C1GALT1: variants seen among roughly 807,000 people sequenced by gnomAD.
C1GALT1 encodes the protein core 1 synthase, glycoprotein-N-acetylgalactosamine 3-beta-galactosyltransferase 1.
In C1GALT1, 11 loss-of-function variants were observed where a neutral mutation model predicts 31.0. The ratio of observed to expected loss-of-function variants is 0.36; its 90% confidence interval spans 0.22 to 0.59. C1GALT1 has a LOEUF of 0.59. C1GALT1 is among the 20% of genes least tolerant of loss of function. The pLI is 0.79. For missense variants in C1GALT1, 424 were observed against 425.2 expected, an observed-to-expected ratio of 1.00 and a Z score of 0.03; for synonymous variants, 175 against 143.6, an observed-to-expected ratio of 1.22 and a Z score of -1.56.
intron 2 of C1GALT1, among the ~76,000 whole-genome samples, chr7:7,173,322 C>G (rs1490543745): frequency 6.6e-6 from 1 of 151,904 alleles, no homozygotes; most frequent in Non-Finnish European, 1.5e-5. Context: ...GCCATGATTG[C>G]AAGCTTCCTG....
At chr7:7,157,637 A>G (rs1206268214) in intron 2 of C1GALT1, among the ~76,000 whole-genome samples, 1 of 152,180 alleles carries the variant, frequency 6.6e-6, no homozygotes, top group African/African-American at 2.4e-5. Context: ...ATTTCAATAT[A>G]GTTTCTGTTC....
At chr7:7,170,208 A>G (rs1780438986) in intron 2 of C1GALT1, among the ~76,000 whole-genome samples, 1 of 152,002 alleles carries the variant, frequency 6.6e-6, no homozygotes, top group Non-Finnish European at 1.5e-5. Context: ...AAGGTTTGTC[A>G]ATTTGATTAC....
intron 2 of C1GALT1, chr7:7,234,783 A>T: frequency 3.1e-6 from 1 of 324,684 alleles, no homozygotes. Flanking sequence ...GGGCATAACT[A>T]TTCAGATTTG....
chr7:7,191,230 T>C (rs1163008046), intron 1 of C1GALT1, among the ~76,000 whole-genome samples: 1 of 152,166 alleles, frequency 6.6e-6, no homozygotes, highest in Non-Finnish European at 1.5e-5. Context: ...GTAGGTGGAA[T>C]TGTGCATTAT....
intron 2 of C1GALT1, among the ~76,000 whole-genome samples, chr7:7,163,144 C>T (rs1277487107): frequency 6.6e-6 from 1 of 152,166 alleles, no homozygotes; most frequent in African/African-American, 2.4e-5. Context: ...TCAATTTTGG[C>T]TTCTGTTGCC....
At chr7:7,187,144 C>T (rs970068054) in intron 1 of C1GALT1, among the ~76,000 whole-genome samples, 1 of 152,180 alleles carries the variant, frequency 6.6e-6, no homozygotes, top group Non-Finnish European at 1.5e-5. Flanking sequence ...ACTAAAAACG[C>T]ACAGTAAATG....
At chr7:7,228,546 T>C (rs866996582) in intron 1 of C1GALT1, among the ~76,000 whole-genome samples, 1 of 152,096 alleles carries the variant, frequency 6.6e-6, no homozygotes, top group African/African-American at 2.4e-5. Flanking sequence ...TTGCCAAAAA[T>C]CTGAGTGAGC....
intron 1 of C1GALT1, among the ~76,000 whole-genome samples, chr7:7,192,689 C>A (rs1781126938): frequency 2.0e-5 from 3 of 152,072 alleles, no homozygotes. Context: ...ATTGCTGGGT[C>A]AAATGTTAGA....
chr7:7,197,712 T>G (rs1781358074), intron 1 of C1GALT1, among the ~76,000 whole-genome samples: 1 of 152,198 alleles, frequency 6.6e-6, no homozygotes, highest in Admixed American at 6.5e-5. Context: ...TCCTCTTTTA[T>G]TTTGTTGAGC....
At chr7:7,187,274 G>A (rs1429258851) in intron 1 of C1GALT1, among the ~76,000 whole-genome samples, 1 of 151,660 alleles carries the variant, frequency 6.6e-6, no homozygotes, top group Non-Finnish European at 1.5e-5. Context: ...TTTTGAGACG[G>A]AGTCTCACTC....
intron 1 of C1GALT1, among the ~76,000 whole-genome samples, chr7:7,222,251 A>G (rs1782543350): frequency 6.6e-6 from 1 of 152,250 alleles, no homozygotes; most frequent in African/African-American, 2.4e-5. Flanking sequence ...TGTTTGTCAG[A>G]TAATGTCATC....
chr7:7,240,407 T>C (rs1039156959), intron 3 of C1GALT1, among the ~76,000 whole-genome samples: 6 of 152,192 alleles, frequency 3.9e-5, no homozygotes. Flanking sequence ...TTTGATAGTC[T>C]GTTTTTCTAT....
chr7:7,182,061 C>T (rs1562556527), upstream of C1GALT1, among the ~76,000 whole-genome samples: 1 of 152,170 alleles, frequency 6.6e-6, no homozygotes, highest in Non-Finnish European at 1.5e-5. Context: ...TCCTGGTTCT[C>T]ACATGATGAC....
Position 7,238,912 on chromosome 7 carries a change from C to T in C1GALT1, c.878C>T (p.Pro293Leu), listed in dbSNP as rs1309585045. The T allele has an allele frequency of 6.2e-7, 1 of 1,606,264 alleles. No individual in the cohort carries two copies. Residue 293 changes from proline to leucine, a missense_variant, in exon 3 of 4, where the codon CCT becomes CTT. Around this residue, in one of 3 missense-constraint regions of C1GALT1, gnomAD observed 191 missense variants for 188.8 expected, o/e 1.01. Coordinates refer to ENST00000436587, the MANE Select transcript of C1GALT1 (RefSeq NM_020156.5). The surrounding 1 kb of genome is among the most constrained non-coding windows in gnomAD (Gnocchi z 5.2). ...TFWYWNYNYY[P>L]PVEGPGCCSD... ...TGGTACTGGAATTACAACTATTATC[C>T]TCCTGTAGAGGTAAGTTTAGAAATT...
chr7:7,157,918 A>G (rs573935636), intron 2 of C1GALT1, among the ~76,000 whole-genome samples: 179 of 152,294 alleles, frequency 1.2e-3, no homozygotes, highest in African/African-American at 4.1e-3. Flanking sequence ...CCTCCCAGGC[A>G]TGTTTCAAAT....
chr7:7,216,963 TATTCCTGCACATTAGACACACACACACAC>T (rs1222046385), intron 1 of C1GALT1, among the ~76,000 whole-genome samples: 1 of 133,872 alleles, frequency 7.5e-6, no homozygotes, highest in African/African-American at 3.0e-5. Context: ...AAACTGTAAG[TATTCCTGCACATTAGACACACACACACAC>T]AGGGTAAGAG....
chr7:7,203,696 A>G (rs1420836644), intron 1 of C1GALT1, among the ~76,000 whole-genome samples: 1 of 151,954 alleles, frequency 6.6e-6, no homozygotes, highest in Non-Finnish European at 1.5e-5. Flanking sequence ...TCTATTTCTA[A>G]AAATAATTTT....
intron 2 of C1GALT1, among the ~76,000 whole-genome samples, chr7:7,166,992 C>T (rs1780400894): frequency 6.6e-6 from 1 of 152,194 alleles, no homozygotes; most frequent in Non-Finnish European, 1.5e-5. Context: ...CTGTGCTAAG[C>T]CATGACAAAT....
At chr7:7,232,788 C>G (rs1212668405) in intron 1 of C1GALT1, among the ~76,000 whole-genome samples, 2 of 152,174 alleles carry the variant, frequency 1.3e-5, no homozygotes, top group East Asian at 3.8e-4. Flanking sequence ...CCACGCCCAG[C>G]CGGGCATGGG....
Sources: allele counts gnomAD v4.1 joint callset (sites outside exome capture counted in the v4.1 genomes callset), GRCh38; gene constraint gnomAD v4.1.1; regional missense constraint gnomAD v4.1.1; non-coding constraint Gnocchi (gnomAD v3.1); transcripts MANE v1.5; gene names NCBI Gene and HGNC (gene_info 2026-07-23, HGNC 2026-07-21).